Variants in AKT3 observed in about 807,000 individuals in gnomAD.
AKT3 encodes the protein RAC-gamma serine/threonine-protein kinase.
Under a neutral mutation model 65.3 loss-of-function variants are expected in AKT3, and 15 were observed. The observed-to-expected ratio is 0.23, with a 90% CI of 0.15 to 0.35. The LOEUF is 0.35. Ranked by LOEUF, AKT3 falls within the 10% of genes least tolerant of loss-of-function variation. The pLI is 1.00. For missense variants in AKT3, 243 were observed against 576.5 expected (o/e 0.42, Z 5.92); for synonymous variants, 206 against 183.8 (o/e 1.12, Z -0.98).
intron 11 of AKT3, among the ~76,000 whole-genome samples, chr1:243,551,781 T>C (rs1673084028): frequency 1.3e-5 from 2 of 152,256 alleles, no homozygotes; most frequent in South Asian, 4.1e-4. Context: ...TTAATATTAA[T>C]AGTCATTTCA....
chr1:243,527,926 CACACACACACAGAGAG>C lies in AKT3; in HGVS notation c.1252-15516_1252-15501del, dbSNP rs1487129138. On this transcript the variant is annotated intron_variant, in intron 12 of 13. Coordinates refer to ENST00000673466, the MANE Select transcript of AKT3 (RefSeq NM_005465.7). ...ACACACACACACACACACACACACA[CACACACACACAGAGAG>C]AGAGAGAGAGAGAGAGAATTTGAGG... Among the ~76,000 whole-genome samples the C allele has an allele frequency of 1.1e-3, 69 of 62,334 alleles. 1 individual carries two copies. The highest frequency in any genetic ancestry group is 3.6e-3 in the African/African-American group (59 of 16,536). 40.9% of individuals were successfully genotyped at this position (62,334 alleles called of 152,430 possible).
intron 2 of AKT3, among the ~76,000 whole-genome samples, chr1:243,717,199 G>C (rs1686566713): frequency 6.6e-6 from 1 of 152,160 alleles, no homozygotes; most frequent in Non-Finnish European, 1.5e-5. Context: ...AAAGAATGTG[G>C]TTTAGTGTTA....
chr1:243,671,078 CT>C (rs569050061), intron 3 of AKT3, among the ~76,000 whole-genome samples: 6,128 of 137,112 alleles, frequency 0.045, 244 homozygotes, highest in African/African-American at 0.15. Context: ...TAATAGATTC[CT>C]TTTTTTTTTT....
chr1:243,711,787 G>A (rs1478188677), intron 2 of AKT3, among the ~76,000 whole-genome samples: 1 of 152,138 alleles, frequency 6.6e-6, no homozygotes, highest in East Asian at 1.9e-4. Flanking sequence ...AAGTGACTAT[G>A]AGTAAATTCA....
At chr1:243,724,364 C>T (rs1218481998) in intron 2 of AKT3, among the ~76,000 whole-genome samples, 1 of 151,964 alleles carries the variant, frequency 6.6e-6, no homozygotes, top group African/African-American at 2.4e-5. Context: ...TTTTTAGTTC[C>T]TTAAACCTAC....
chr1:243,745,898 A>G (rs1688447348), intron 2 of AKT3, among the ~76,000 whole-genome samples: 1 of 152,220 alleles, frequency 6.6e-6, no homozygotes, highest in Non-Finnish European at 1.5e-5. Flanking sequence ...ATAATTATAT[A>G]AAGTGAGCAT....
At chr1:243,800,426 G>A (rs1692309112) in intron 2 of AKT3, among the ~76,000 whole-genome samples, 1 of 152,174 alleles carries the variant, frequency 6.6e-6, no homozygotes, top group Non-Finnish European at 1.5e-5. Flanking sequence ...AAGATTTAAG[G>A]AAGAGATTAT....
chr1:243,507,003 C>T (rs1009210729), intron 13 of AKT3, among the ~76,000 whole-genome samples: 2 of 152,222 alleles, frequency 1.3e-5, no homozygotes, highest in African/African-American at 4.8e-5. Flanking sequence ...GCAGCTAAAA[C>T]CTTAATGTTC....
chr1:243,520,309 G>A (rs1190593446), intron 12 of AKT3, among the ~76,000 whole-genome samples: 1 of 152,192 alleles, frequency 6.6e-6, no homozygotes, highest in East Asian at 1.9e-4. Context: ...GCCACGGACA[G>A]ACACCTCAGA....
chr1:243,576,214 T>C (rs1674931621), intron 8 of AKT3, among the ~76,000 whole-genome samples: 1 of 152,080 alleles, frequency 6.6e-6, no homozygotes, highest in African/African-American at 2.4e-5. Context: ...CTCAGTAAAC[T>C]AGATATTGAA....
intron 2 of AKT3, among the ~76,000 whole-genome samples, chr1:243,746,681 T>C (rs1688488290): frequency 6.6e-6 from 1 of 152,248 alleles, no homozygotes; most frequent in Non-Finnish European, 1.5e-5. Flanking sequence ...CTCTGCATAT[T>C]CAATGCTTTC....
chr1:243,815,046 A>T (rs947606737), intron 2 of AKT3, among the ~76,000 whole-genome samples: 1 of 152,150 alleles, frequency 6.6e-6, no homozygotes, highest in African/African-American at 2.4e-5. Flanking sequence ...CTTCAGCTTG[A>T]TCTGTAGATC....
chr1:243,678,107 A>G (rs1250924802), intron 3 of AKT3, among the ~76,000 whole-genome samples: 1 of 152,068 alleles, frequency 6.6e-6, no homozygotes, highest in Non-Finnish European at 1.5e-5. Flanking sequence ...AAAAAAAGTC[A>G]AATATAGAGA....
chr1:243,592,582 C>A (rs1332027337), intron 8 of AKT3, among the ~76,000 whole-genome samples: 2 of 151,930 alleles, frequency 1.3e-5, no homozygotes, highest in Non-Finnish European at 2.9e-5. Context: ...GTAAAAATGG[C>A]AAATTAGAAT....
At chr1:243,795,475 G>GTTTTTTTTTTTTTTTTTTTTTTTTTTT (rs369512939) in intron 2 of AKT3, among the ~76,000 whole-genome samples, 3 of 88,016 alleles carry the variant, frequency 3.4e-5, no homozygotes, top group East Asian at 3.6e-4. Context: ...TTTTTTTTTT[G>GTTTTTTTTTTTTTTTTTTTTTTTTTTT]GTTTTTTTTT....
At chr1:243,770,473 T>C (rs1690109638) in intron 2 of AKT3, among the ~76,000 whole-genome samples, 2 of 152,030 alleles carry the variant, frequency 1.3e-5, no homozygotes, top group Non-Finnish European at 2.9e-5. Context: ...TTTTTTCAAG[T>C]AAAACTAATT....
intron 2 of AKT3, among the ~76,000 whole-genome samples, chr1:243,829,494 GATTA>G (rs1694370326): frequency 6.6e-6 from 1 of 151,910 alleles, no homozygotes; most frequent in African/African-American, 2.4e-5. Flanking sequence ...CAACAAAAAA[GATTA>G]ATCAAATAAA....
At chr1:243,589,785 G>A (rs1221579501) in intron 8 of AKT3, among the ~76,000 whole-genome samples, 1 of 152,080 alleles carries the variant, frequency 6.6e-6, no homozygotes, top group Non-Finnish European at 1.5e-5. Flanking sequence ...CAGGACTGCA[G>A]GTATCTCTAT....
chr1:243,587,123 A>G (rs1675869267), intron 8 of AKT3, among the ~76,000 whole-genome samples: 1 of 152,210 alleles, frequency 6.6e-6, no homozygotes, highest in African/African-American at 2.4e-5. Context: ...TCAATGTAAC[A>G]GAGACAAAAC....
Sources: gnomAD v4.1 joint callset for allele counts (sites outside exome capture counted in the v4.1 genomes callset) on GRCh38, gnomAD v4.1.1 for gene constraint, MANE v1.5 for transcripts, NCBI Gene and HGNC (gene_info 2026-07-23, HGNC 2026-07-21) for gene names.